Variants in ADGRL1 observed in about 807,000 individuals in gnomAD.
The protein encoded by ADGRL1 is CIRL-1.
In ADGRL1, 31 loss-of-function variants were observed where a neutral mutation model predicts 148.9. That is an observed-to-expected ratio of 0.21 (90% CI 0.16 to 0.28). ADGRL1 has a LOEUF of 0.28. ADGRL1 is among the 10% of genes least tolerant of loss of function. The pLI is 1.00. For missense variants in ADGRL1, 1,521 were observed against 2,058.8 expected (o/e 0.74, Z 5.05); for synonymous variants, 937 against 900.3 (o/e 1.04, Z -0.73).
chr19:14,158,818 G>C (rs1969040935), intron 11 of ADGRL1, among the ~76,000 whole-genome samples: 1 of 152,218 alleles, frequency 6.6e-6, no homozygotes, highest in Admixed American at 6.5e-5. Context: ...CTCACTGTGT[G>C]ACCTTGGGCA....
At chr19:14,205,257 G>T (rs965448949) in intron 1 of ADGRL1, among the ~76,000 whole-genome samples, 12 of 152,138 alleles carry the variant, frequency 7.9e-5, no homozygotes, top group African/African-American at 2.6e-4. Context: ...TGGGGTGGGG[G>T]TGGGGAGCTG....
chr19:14,167,079 T>A (rs768289437), intron 4 of ADGRL1: 1 of 1,459,978 alleles, frequency 6.8e-7, no homozygotes, highest in Non-Finnish European at 9.5e-7. Context: ...AAAAAAAAAA[T>A]GTGCAAGAAA....
intron 2 of ADGRL1, among the ~76,000 whole-genome samples, chr19:14,182,940 G>A (rs1599484643): frequency 6.6e-6 from 1 of 151,854 alleles, no homozygotes. Context: ...AGAGTGAGGG[G>A]CCGGGCCTAC....
chr19:14,186,811 C>G (rs1229554564), intron 1 of ADGRL1, among the ~76,000 whole-genome samples: 1 of 152,096 alleles, frequency 6.6e-6, no homozygotes, highest in East Asian at 1.9e-4. Flanking sequence ...TTCAACATTC[C>G]AGTTCCAGTC....
chr19:14,160,797 G>A lies in ADGRL1; in HGVS notation c.1511-101C>T. 1 of 742,910 alleles carries A rather than the reference G, an allele frequency of 1.3e-6. No homozygotes were observed. The highest frequency in any genetic ancestry group is 1.5e-5 in the South Asian group (1 of 68,246). The allele number at this position is 742,910 out of a possible 1,614,324, so 46.0% of individuals were successfully genotyped here. On this transcript the variant is annotated intron_variant, in intron 6 of 22. Transcript: ENST00000361434. The surrounding 1 kb of genome is among the most constrained non-coding windows in gnomAD (Gnocchi z 5.9). ...GGAGATGACAGAGAGTGGGGGACGA[G>A]CGGGCGAAGAGGGAGGTGAGGGAAA...
intron 1 of ADGRL1, among the ~76,000 whole-genome samples, chr19:14,191,891 T>C (rs1971966914): frequency 6.6e-6 from 1 of 152,046 alleles, no homozygotes; most frequent in Admixed American, 6.6e-5. Context: ...AGAGATGGGG[T>C]CTCGCTATGT....
Position 14,162,739 on chromosome 19 carries a change from G to T in ADGRL1, c.1062C>A (p.Ser354Arg). Residue 354 changes from serine to arginine, a missense_variant, in exon 5 of 23, where the codon AGC (serine) becomes AGA (arginine). By Grantham distance (110) the Ser-to-Arg change is moderately radical (BLOSUM62 -1). Transcript: ENST00000361434. The surrounding 1 kb of genome is among the most constrained non-coding windows in gnomAD (Gnocchi z 5.4). ...NTNANREEPV[S>R]LTFPNPYQFI... ...ACTGGTAGGGGTTGGGGAAGGTGAGGCTGACAGGCTCCTCGCGGTTGGCAT... is the reference window on the plus strand; with the variant it reads ...ACTGGTAGGGGTTGGGGAAGGTGAGTCTGACAGGCTCCTCGCGGTTGGCAT... 6.2e-7 allele frequency: 1 copy of T among 1,614,228 alleles called. No homozygotes were observed. The highest frequency in any genetic ancestry group is 8.5e-7 in the Non-Finnish European group (1 of 1,180,040).
chr19:14,202,388 G>A (rs1342885756), intron 1 of ADGRL1, among the ~76,000 whole-genome samples: 2 of 152,044 alleles, frequency 1.3e-5, no homozygotes. Flanking sequence ...TGGTAGCTGG[G>A]ACTACAGGTG....
chr19:14,184,606 TTTTATTTATTTATTTATTTATTTA>T lies in ADGRL1; in HGVS notation c.-95-933_-95-910del, dbSNP rs74181775. On this transcript the variant is annotated intron_variant, in intron 1 of 22. Transcript: ENST00000361434. ...CACCACTACCACCAGCTAATTTTTA[TTTTATTTATTTATTTATTTATTTA>T]TTTATTTATTTATTTATTTTTTTTT... 1.5e-4 allele frequency among the ~76,000 whole-genome samples: 16 copies of T among 103,996 alleles called. No individual in the cohort carries two copies. The East Asian group carries it at 3.9e-3, about 25-fold the overall frequency. The allele number at this position is 103,996 out of a possible 152,430, so 68.2% of individuals were successfully genotyped here.
intron 4 of ADGRL1, 104 bp from the exon 5 acceptor site, chr19:14,163,510 G>C: frequency 1.2e-5 from 10 of 824,234 alleles, no homozygotes; most frequent in Non-Finnish European, 1.8e-5. Context: ...GGGGAGAGAG[G>C]CAAGTTGGTC....
chr19:14,158,368 G>A lies in ADGRL1; in HGVS notation c.2334C>T (p.Asp778=). The A allele has an allele frequency of 1.2e-6, 2 of 1,613,776 alleles. No individual in the cohort carries two copies. Among genetic ancestry groups the A allele is most frequent in the East Asian group, 4.5e-5 (2 of 44,878 alleles). ...NKESSRVFLM[D]PVIFTVAHLE... is the part of the protein sequence containing the mutation. ...GGTGGGCCACGGTGAAGATGACAGG[G>A]TCCATGAGGAAGACGCGGCTGGACT... The change falls in exon 12 of 23, where the codon GAC becomes GAT. Residue 778 remains aspartate (D), a synonymous_variant. Transcript: ENST00000361434.
chr19:14,161,600 T>C lies in ADGRL1; in HGVS notation c.1222A>G (p.Thr408Ala). The change falls in exon 6 of 23, where the codon ACG (threonine) becomes GCG (alanine). Residue 408 changes from threonine (T) to alanine (A), a missense_variant. Coordinates refer to ENST00000361434, the MANE Select transcript of ADGRL1 (RefSeq NM_014921.5). This position sits in a 1 kb window ranked among gnomAD's most constrained non-coding sequence, Gnocchi z 4.4. Reference protein sequence around the residue: ...AGPATSPPLSTTTTARPTPLT... With the variant: ...AGPATSPPLSATTTARPTPLT... ...GGCGTGGGCCTGGCTGTGGTGGTCG[T>C]GCTGAGGGGTGGGGAAGTGGCTGGG... The C allele has an allele frequency of 7.1e-7, 1 of 1,412,338 alleles. No individual in the cohort carries two copies. Among genetic ancestry groups the C allele is most frequent in the Non-Finnish European group, 9.2e-7 (1 of 1,086,592 alleles). 87.5% of individuals were successfully genotyped at this position (1,412,338 alleles called of 1,614,324 possible). A position where few individuals can be genotyped will look rare whatever the true frequency, so the allele number is the denominator to read the frequency against.
intron 3 of ADGRL1, among the ~76,000 whole-genome samples, chr19:14,177,073 C>CA (rs1192156466): frequency 6.6e-6 from 1 of 151,632 alleles, no homozygotes; most frequent in South Asian, 2.1e-4. Flanking sequence ...ACTAAAAATA[C>CA]AAAAAAATTA....
At chr19:14,156,015 G>A in intron 17 of ADGRL1, 95 bp downstream of exon 17, 1 of 904,716 alleles carries the variant, frequency 1.1e-6, no homozygotes, top group Non-Finnish European at 1.7e-6. Context: ...CACCAGAGGT[G>A]ACAGCACTAC....
chr19:14,171,836 G>A (rs753279124), intron 3 of ADGRL1, among the ~76,000 whole-genome samples: 7 of 152,260 alleles, frequency 4.6e-5, no homozygotes, highest in Non-Finnish European at 8.8e-5. Flanking sequence ...ACAAAAAGGT[G>A]TGTCTCATCT....
chr19:14,172,402 A>T (rs1970534491), intron 3 of ADGRL1, among the ~76,000 whole-genome samples: 1 of 151,812 alleles, frequency 6.6e-6, no homozygotes. Context: ...AGCCTGGGTG[A>T]CAGAGTAAGA....
rs1266496934 is a variant in ADGRL1 at position 14,162,582 on chromosome 19, T to C, written c.1195+24A>G. ...AGGGGACAAAGGCAAGCAGGCTCCATGCCTGGAAGTGAGTCGTCCTCACCA... is the reference window on the plus strand; with the variant it reads ...AGGGGACAAAGGCAAGCAGGCTCCACGCCTGGAAGTGAGTCGTCCTCACCA... On this transcript the variant is annotated intron_variant, in intron 5 of 22. Transcript: ENST00000361434. This position sits in a 1 kb window ranked among gnomAD's most constrained non-coding sequence, Gnocchi z 5.4. The C allele has an allele frequency of 6.3e-7, 1 of 1,578,502 alleles. No homozygotes were observed. Among genetic ancestry groups the C allele is most frequent in the Non-Finnish European group, 8.6e-7 (1 of 1,158,182 alleles).
At position 14,191,222 on chromosome 19, in the gene ADGRL1, G is replaced by A. The variant is rs188170065; in HGVS notation, c.-95-7525C>T. ...CTCCAGCCTCAGCCTGTCCCCATCT[G>A]TGTCCCTCAGACTCAGAGGTGTCCT... On this transcript the variant is annotated intron_variant, in intron 1 of 22. Coordinates refer to ENST00000361434, the MANE Select transcript of ADGRL1 (RefSeq NM_014921.5). 3.8e-4 allele frequency: 175 copies of A among 456,710 alleles called. 2 individuals are homozygous for A. Among genetic ancestry groups the A allele is most frequent in the African/African-American group, 3.3e-3 (165 of 50,178 alleles). 28.3% of individuals were successfully genotyped at this position (456,710 alleles called of 1,614,324 possible).
At chr19:14,205,856 T>C (rs1433072909) in intron 1 of ADGRL1, 129 bp downstream of exon 1, 1 of 151,648 alleles carries the variant, frequency 6.6e-6, no homozygotes, top group Non-Finnish European at 1.5e-5. Context: ...GCGGCTCCCG[T>C]GTCCCCTCCC....
Sources: gnomAD v4.1 joint callset for allele counts (sites outside exome capture counted in the v4.1 genomes callset) on GRCh38, gnomAD v4.1.1 for gene constraint, Gnocchi (gnomAD v3.1) non-coding constraint, MANE v1.5 for transcripts, NCBI Gene and HGNC (gene_info 2026-07-23, HGNC 2026-07-21) for gene names.